ADAMTS6: variants seen among roughly 807,000 people sequenced by gnomAD.
The protein encoded by ADAMTS6 is ADAM metallopeptidase with thrombospondin type 1 motif 6.
Under a neutral mutation model 144.3 loss-of-function variants are expected in ADAMTS6, and 23 were observed. The ratio of observed to expected loss-of-function variants is 0.16; its 90% CI spans 0.11 to 0.23. The LOEUF (loss-of-function observed/expected upper bound fraction) is 0.23. ADAMTS6 is among the 10% of genes least tolerant of loss of function. The probability of loss-of-function intolerance (pLI) is 1.00; values close to 1 mark genes in which losing one functional copy is unlikely to be tolerated. For missense variants in ADAMTS6, 999 were observed against 1,379.6 expected, an observed-to-expected ratio of 0.72 and a Z score of 4.37; for synonymous variants, 444 against 457.5, an observed-to-expected ratio of 0.97 and a Z score of 0.38.
intron 7 of ADAMTS6, among the ~76,000 whole-genome samples, chr5:65,374,708 C>T (rs1751340137): frequency 6.6e-6 from 1 of 152,116 alleles, no homozygotes; most frequent in Non-Finnish European, 1.5e-5. Context: ...AGATTCAATG[C>T]CATCCCCATC....
At chr5:65,333,651 G>T (rs1746997571) in intron 8 of ADAMTS6, among the ~76,000 whole-genome samples, 1 of 150,324 alleles carries the variant, frequency 6.7e-6, no homozygotes. Flanking sequence ...ATTTCAAGAT[G>T]TTGACTGCTT....
chr5:65,403,119 G>C (rs1754084104), intron 7 of ADAMTS6, among the ~76,000 whole-genome samples: 1 of 152,068 alleles, frequency 6.6e-6, no homozygotes, highest in South Asian at 2.1e-4. Flanking sequence ...ATCTGATATA[G>C]ATGATGATGC....
intron 7 of ADAMTS6, among the ~76,000 whole-genome samples, chr5:65,402,655 T>A (rs1173181819): frequency 1.3e-5 from 2 of 151,832 alleles, no homozygotes; most frequent in African/African-American, 4.8e-5. Flanking sequence ...CTCCTTGCTA[T>A]CACAATGAAT....
intron 7 of ADAMTS6, among the ~76,000 whole-genome samples, chr5:65,367,869 T>G (rs1750451895): frequency 6.6e-6 from 1 of 151,930 alleles, no homozygotes; most frequent in African/African-American, 2.4e-5. Flanking sequence ...TATGTATATA[T>G]ATGTGTGTGT....
chr5:65,253,111 C>T (rs1760323955), intron 14 of ADAMTS6, among the ~76,000 whole-genome samples: 1 of 152,032 alleles, frequency 6.6e-6, no homozygotes, highest in Non-Finnish European at 1.5e-5. Context: ...TTGTCTCAAA[C>T]TCCCGGGCTC....
At chr5:65,278,714 T>C (rs1045490849) in intron 11 of ADAMTS6, among the ~76,000 whole-genome samples, 7 of 152,220 alleles carry the variant, frequency 4.6e-5, no homozygotes, top group African/African-American at 1.4e-4. Flanking sequence ...ATTTCTTTCT[T>C]TTTGACATAC....
intron 7 of ADAMTS6, among the ~76,000 whole-genome samples, chr5:65,358,627 T>A (rs1489665761): frequency 6.6e-6 from 1 of 152,020 alleles, no homozygotes; most frequent in East Asian, 1.9e-4. Context: ...ATTCAAAATA[T>A]ACTATAAAGC....
At chr5:65,434,124 A>G (rs921473421) in intron 7 of ADAMTS6, among the ~76,000 whole-genome samples, 1 of 152,220 alleles carries the variant, frequency 6.6e-6, no homozygotes, top group African/African-American at 2.4e-5. Context: ...TTTGAAAACA[A>G]CAAGTAAAAA....
chr5:65,452,237 A>G (rs1758801350), intron 5 of ADAMTS6, 21 bp from the exon 6 acceptor site: 1 of 1,605,528 alleles, frequency 6.2e-7, no homozygotes, highest in Non-Finnish European at 8.5e-7. Context: ...GAAAATAAGA[A>G]AAGACACAAA....
chr5:65,252,830 C>G (rs911845501), intron 14 of ADAMTS6, among the ~76,000 whole-genome samples: 3 of 152,144 alleles, frequency 2.0e-5, no homozygotes, highest in Middle Eastern at 3.4e-3. Flanking sequence ...CGGGTAAAAT[C>G]TATTAAACAC....
chr5:65,358,877 A>C (rs1749581073), intron 7 of ADAMTS6, among the ~76,000 whole-genome samples: 1 of 152,152 alleles, frequency 6.6e-6, no homozygotes. Context: ...AAATCAACTC[A>C]AAATGGATTA....
intron 7 of ADAMTS6, among the ~76,000 whole-genome samples, chr5:65,374,752 T>A (rs7726641): frequency 0.54 from 82,478 of 151,940 alleles, 23,088 homozygotes; most frequent in African/African-American, 0.67. Flanking sequence ...AGAAATGGAA[T>A]AAACTACTTT....
intron 3 of ADAMTS6, among the ~76,000 whole-genome samples, chr5:65,467,897 AAATT>A (rs1200544146): frequency 2.6e-5 from 4 of 152,234 alleles, no homozygotes; most frequent in Non-Finnish European, 5.9e-5. Context: ...TTAGCCCAAT[AAATT>A]AATTAAATGG....
At chr5:65,328,018 G>A (rs1262420706) in intron 9 of ADAMTS6, among the ~76,000 whole-genome samples, 1 of 151,820 alleles carries the variant, frequency 6.6e-6, no homozygotes, top group Admixed American at 6.6e-5. Flanking sequence ...TTAAGGGGGG[G>A]CTTTTCCTTT....
intron 22 of ADAMTS6, among the ~76,000 whole-genome samples, chr5:65,174,334 C>T (rs139773784): frequency 1.3e-5 from 2 of 152,272 alleles, no homozygotes; most frequent in Admixed American, 1.3e-4. Flanking sequence ...AACAGACAGT[C>T]GGACGGTCGA....
chr5:65,158,420 G>A (rs1041915185), intron 24 of ADAMTS6, among the ~76,000 whole-genome samples: 1 of 152,136 alleles, frequency 6.6e-6, no homozygotes, highest in East Asian at 1.9e-4. Flanking sequence ...TTGGTTACCA[G>A]CCCATGGCAC....
intron 14 of ADAMTS6, among the ~76,000 whole-genome samples, chr5:65,247,253 C>T (rs1018470078): frequency 6.6e-6 from 1 of 152,160 alleles, no homozygotes; most frequent in African/African-American, 2.4e-5. Context: ...CTCTCTTTCC[C>T]AGAGATCTGT....
intron 9 of ADAMTS6, among the ~76,000 whole-genome samples, chr5:65,300,671 G>A (rs1266438895): frequency 1.3e-5 from 2 of 150,774 alleles, no homozygotes; most frequent in South Asian, 2.1e-4. Context: ...TTGCTCTGTC[G>A]TCCAGGCTGG....
chr5:65,406,542 C>A (rs4485885), intron 7 of ADAMTS6, among the ~76,000 whole-genome samples: 5 of 151,988 alleles, frequency 3.3e-5, no homozygotes, highest in African/African-American at 7.2e-5. Context: ...TGCTGGATTC[C>A]GTTTGCCAGT....
Sources: gnomAD v4.1 joint callset for allele counts (sites outside exome capture counted in the v4.1 genomes callset) on GRCh38, gnomAD v4.1.1 for gene constraint, MANE v1.5 for transcripts, NCBI Gene and HGNC (gene_info 2026-07-23, HGNC 2026-07-21) for gene names.